Variants in PTPRG observed in about 807,000 individuals in gnomAD.
The protein encoded by PTPRG is protein tyrosine phosphatase receptor type G, also known as receptor-type tyrosine-protein phosphatase gamma.
Under a neutral mutation model 165.3 loss-of-function variants are expected in PTPRG, and 102 were observed. That is an observed-to-expected ratio of 0.62 (90% CI 0.53 to 0.73). The LOEUF (loss-of-function observed/expected upper bound fraction) is 0.73. PTPRG is among the 30% of genes least tolerant of loss of function. The pLI, the probability that PTPRG is intolerant of heterozygous loss-of-function variation, is 0.00. For synonymous variants in PTPRG, 675 were observed against 669.5 expected (o/e 1.01, Z -0.13); for missense variants, 1,866 against 1,861.4 (o/e 1.00, Z -0.05).
At chr3:61,775,446 G>A (rs145746041) in intron 2 of PTPRG, among the ~76,000 whole-genome samples, 125 of 152,278 alleles carry the variant, frequency 8.2e-4, no homozygotes, top group Non-Finnish European at 1.5e-3. Context: ...AACATGGCCT[G>A]CTTTGGTTCC....
chr3:61,974,086 A>C (rs80323879), intron 2 of PTPRG, among the ~76,000 whole-genome samples: 7,277 of 152,234 alleles, frequency 0.048, 252 homozygotes, highest in Middle Eastern at 0.099. Flanking sequence ...ATTTCCAGTA[A>C]ACAAGTTACT....
In PTPRG at chr3:62,271,796, A is replaced by C. The variant is rs1029867957; in HGVS notation, c.3182+241A>C. On this transcript the variant is annotated intron_variant, in intron 21 of 29. Transcript: ENST00000474889. This position sits in a 1 kb window ranked among gnomAD's most constrained non-coding sequence, Gnocchi z 4.1. Reference sequence around the variant, plus strand: ...TCCCTAGTTTTTATAAAATCTTCTTATTAATAATATCAGCCAGGCATGGAG... The same window carrying C: ...TCCCTAGTTTTTATAAAATCTTCTTCTTAATAATATCAGCCAGGCATGGAG... 3.3e-5 allele frequency among the ~76,000 whole-genome samples: 5 copies of C among 152,154 alleles called. No homozygotes were observed. The highest frequency in any genetic ancestry group is 4.8e-5 in the African/African-American group (2 of 41,442).
intron 2 of PTPRG, among the ~76,000 whole-genome samples, chr3:61,816,984 A>T (rs988636138): frequency 2.3e-5 from 3 of 132,994 alleles, no homozygotes; most frequent in Non-Finnish European, 4.6e-5. Flanking sequence ...TTATATATAT[A>T]TTATATATAT....
chr3:62,128,829 A>AT lies in PTPRG; in HGVS notation c.616-3764dup, dbSNP rs146794775. 6.6e-5 allele frequency among the ~76,000 whole-genome samples: 10 copies of AT among 150,392 alleles called. No homozygotes were observed. The South Asian group carries it at 8.5e-4, about 13-fold the overall frequency. On this transcript the variant is annotated intron_variant, in intron 5 of 29. Coordinates refer to ENST00000474889, the MANE Select transcript of PTPRG (RefSeq NM_002841.4). Reference sequence around the variant, plus strand: ...AAAATTGCTTAGCTTATGCCCATGAATTTTTTTTTAAGTGGCAAATTGATT... The same window carrying AT: ...AAAATTGCTTAGCTTATGCCCATGAATTTTTTTTTTAAGTGGCAAATTGATT...
intron 2 of PTPRG, among the ~76,000 whole-genome samples, chr3:61,858,430 G>A (rs971321385): frequency 2.6e-5 from 4 of 152,110 alleles, no homozygotes; most frequent in Non-Finnish European, 5.9e-5. Context: ...TTAAAAATGA[G>A]CATAAATTTG....
chr3:61,644,596 C>T (rs181035774), intron 1 of PTPRG, among the ~76,000 whole-genome samples: 1 of 152,214 alleles, frequency 6.6e-6, no homozygotes, highest in Admixed American at 6.5e-5. Flanking sequence ...CCCACTGCCC[C>T]CTTTTTGTTC....
intron 2 of PTPRG, among the ~76,000 whole-genome samples, chr3:61,780,972 G>A (rs1409257959): frequency 6.6e-6 from 1 of 152,218 alleles, no homozygotes; most frequent in African/African-American, 2.4e-5. Context: ...GCCTCCAGAG[G>A]GAATGGGGAG....
chr3:61,766,808 T>C (rs1223104293), intron 2 of PTPRG, among the ~76,000 whole-genome samples: 4 of 151,884 alleles, frequency 2.6e-5, no homozygotes, highest in Non-Finnish European at 5.9e-5. Flanking sequence ...TTAGTAGAGA[T>C]GGTTTTTCAC....
At chr3:61,930,460 A>T (rs761807150) in intron 2 of PTPRG, among the ~76,000 whole-genome samples, 8 of 152,184 alleles carry the variant, frequency 5.3e-5, no homozygotes, top group Non-Finnish European at 1.2e-4. Context: ...CACACAGATT[A>T]TCACTTCCAT....
At chr3:61,801,898 G>A (rs561511178) in intron 2 of PTPRG, among the ~76,000 whole-genome samples, 5 of 151,894 alleles carry the variant, frequency 3.3e-5, no homozygotes, top group African/African-American at 7.3e-5. Context: ...GGTGGCGTGC[G>A]CCTGTAGTCC....
intron 6 of PTPRG, among the ~76,000 whole-genome samples, chr3:62,135,930 G>A (rs1011494572): frequency 6.6e-6 from 1 of 152,228 alleles, no homozygotes; most frequent in African/African-American, 2.4e-5. Flanking sequence ...CCCACCATGT[G>A]TTGTCATTGG....
At chr3:61,776,278 T>G (rs534044958) in intron 2 of PTPRG, among the ~76,000 whole-genome samples, 1 of 152,148 alleles carries the variant, frequency 6.6e-6, no homozygotes, top group Non-Finnish European at 1.5e-5. Flanking sequence ...TTTATTTCTT[T>G]GGGTGAGTGA....
At chr3:61,568,676 C>T (rs1699984294) in intron 1 of PTPRG, among the ~76,000 whole-genome samples, 1 of 151,958 alleles carries the variant, frequency 6.6e-6, no homozygotes, top group African/African-American at 2.4e-5. Flanking sequence ...TTGGGAGGCC[C>T]AGGCGGACGG....
intron 4 of PTPRG, among the ~76,000 whole-genome samples, chr3:62,069,029 C>T (rs1701114420): frequency 6.6e-6 from 1 of 152,226 alleles, no homozygotes; most frequent in African/African-American, 2.4e-5. Context: ...GTGAATGCCA[C>T]ACACTGGTTT....
chr3:62,183,356 G>C (rs755515676), intron 8 of PTPRG, among the ~76,000 whole-genome samples: 17 of 152,180 alleles, frequency 1.1e-4, no homozygotes, highest in Non-Finnish European at 2.2e-4. Context: ...TTGAGGTCAG[G>C]AGTTCGAGAC....
At chr3:61,944,694 ATT>A (rs1019195772) in intron 2 of PTPRG, among the ~76,000 whole-genome samples, 1 of 152,056 alleles carries the variant, frequency 6.6e-6, no homozygotes, top group African/African-American at 2.4e-5. Flanking sequence ...TGAAAAAAAA[ATT>A]TTCTTTTTCA....
chr3:62,040,962 C>T (rs1345566432), intron 4 of PTPRG, among the ~76,000 whole-genome samples: 1 of 152,174 alleles, frequency 6.6e-6, no homozygotes, highest in Non-Finnish European at 1.5e-5. Flanking sequence ...AGAGGTCAAG[C>T]CCCTGGGATG....
intron 2 of PTPRG, among the ~76,000 whole-genome samples, chr3:61,961,666 T>C (rs1052018483): frequency 6.6e-6 from 1 of 152,186 alleles, no homozygotes; most frequent in African/African-American, 2.4e-5. Context: ...AAGGTTTCCA[T>C]GGATCTACAT....
At chr3:61,820,839 C>G (rs568436953) in intron 2 of PTPRG, among the ~76,000 whole-genome samples, 1 of 152,032 alleles carries the variant, frequency 6.6e-6, no homozygotes, top group East Asian at 1.9e-4. Context: ...AGTGAGACTT[C>G]CTAGGGTTCT....
Sources: allele counts gnomAD v4.1 joint callset (sites outside exome capture counted in the v4.1 genomes callset), GRCh38; gene constraint gnomAD v4.1.1; non-coding constraint Gnocchi (gnomAD v3.1); transcripts MANE v1.5; gene names NCBI Gene and HGNC (gene_info 2026-07-23, HGNC 2026-07-21).